PDS5B: variants seen among roughly 807,000 people sequenced by gnomAD.
The protein encoded by PDS5B is sister chromatid cohesion protein PDS5 homolog B.
PDS5B carries 51 observed loss-of-function variants against 184.1 expected under a neutral mutation model. The observed-to-expected ratio is 0.28, with a 90% confidence interval of 0.22 to 0.35. The LOEUF (loss-of-function observed/expected upper bound fraction) is 0.35. Among genes scored for constraint, PDS5B ranks in the 10% least tolerant of loss-of-function variants. The probability of loss-of-function intolerance (pLI) is 1.00; values close to 1 mark genes in which losing one functional copy is unlikely to be tolerated. For synonymous variants in PDS5B, 566 were observed against 569.2 expected, an observed-to-expected ratio of 0.99 and a Z score of 0.08; for missense variants, 1,180 against 1,723.3, an observed-to-expected ratio of 0.68 and a Z score of 5.58.
chr13:32,600,914 G>A (rs950140108), intron 1 of PDS5B, among the ~76,000 whole-genome samples: 3 of 152,130 alleles, frequency 2.0e-5, no homozygotes, highest in Non-Finnish European at 4.4e-5. Context: ...TATGAAGTTC[G>A]GGGATCAGCA....
chr13:32,760,525 T>G (rs777644481), intron 29 of PDS5B, 50 bp from the exon 30 acceptor site: 3 of 1,577,796 alleles, frequency 1.9e-6, no homozygotes, highest in South Asian at 1.2e-5. Flanking sequence ...TACACGTAAC[T>G]TTCTTTTGGC....
chr13:32,764,655 C>T (rs1954527179), intron 31 of PDS5B, 61 bp downstream of exon 31: 6 of 875,476 alleles, frequency 6.9e-6, no homozygotes, highest in Non-Finnish European at 8.6e-6. Flanking sequence ...GTAATGTTTA[C>T]ACTGAAACCA....
intron 16 of PDS5B, 55 bp downstream of exon 16, chr13:32,699,924 TTC>T (rs1951819567): frequency 2.7e-6 from 4 of 1,462,392 alleles, no homozygotes; most frequent in Non-Finnish European, 2.7e-6. Flanking sequence ...TCTTTATTGT[TTC>T]TCTCTTTTAT....
intron 6 of PDS5B, 35 bp from the exon 7 acceptor site, chr13:32,667,729 A>G (rs747143755): frequency 5.4e-6 from 7 of 1,290,874 alleles, no homozygotes; most frequent in Non-Finnish European, 7.6e-6. Flanking sequence ...TCATAGTTAG[A>G]GATATATAAT....
intron 1 of PDS5B, among the ~76,000 whole-genome samples, chr13:32,589,695 C>T (rs1447426857): frequency 1.3e-5 from 2 of 152,110 alleles, no homozygotes; most frequent in Non-Finnish European, 2.9e-5. Context: ...TTACAATAGG[C>T]GTTTTACTTG....
At chr13:32,648,645 A>G (rs1462671000) in intron 1 of PDS5B, 109 bp from the exon 2 acceptor site, 1 of 586,384 alleles carries the variant, frequency 1.7e-6, no homozygotes, top group Non-Finnish European at 3.0e-6. Flanking sequence ...ATTACTATAA[A>G]TTAGGAGGTA....
chr13:32,652,203 G>A (rs1489073625), intron 3 of PDS5B, 196 bp downstream of exon 3: 2 of 531,608 alleles, frequency 3.8e-6, no homozygotes, highest in African/African-American at 3.8e-5. Context: ...AGGTTAAGAA[G>A]TAGATTAATA....
intron 13 of PDS5B, chr13:32,691,195 G>A (rs1356183170): frequency 2.0e-5 from 3 of 151,724 alleles, no homozygotes; most frequent in Non-Finnish European, 4.4e-5. Flanking sequence ...ATATGTATGT[G>A]TATATATGTG....
intron 10 of PDS5B, among the ~76,000 whole-genome samples, chr13:32,683,356 T>C (rs916543231): frequency 4.0e-5 from 6 of 148,276 alleles, no homozygotes; most frequent in Non-Finnish European, 7.4e-5. Context: ...GCTCTGCCCT[T>C]GTTGCCCAGG....
At chr13:32,663,824 G>C (rs1950715058) in intron 6 of PDS5B, among the ~76,000 whole-genome samples, 1 of 152,304 alleles carries the variant, frequency 6.6e-6, no homozygotes, top group African/African-American at 2.4e-5. Context: ...CACCTGAGAA[G>C]TGTACATTGT....
At chr13:32,756,011 A>G (rs1954164343) in intron 26 of PDS5B, 55 bp downstream of exon 26, 1 of 818,648 alleles carries the variant, frequency 1.2e-6, no homozygotes, top group Non-Finnish European at 2.1e-6. Flanking sequence ...TTTTCTCCTT[A>G]ATGCTGATAA....
At chr13:32,640,948 T>G (rs1486400329) in intron 1 of PDS5B, among the ~76,000 whole-genome samples, 1 of 151,254 alleles carries the variant, frequency 6.6e-6, no homozygotes, top group Non-Finnish European at 1.5e-5. Context: ...TCCCAGCTAC[T>G]CGGGAGGCTG....
At chr13:32,731,660 A>T (rs950198768) in intron 19 of PDS5B, among the ~76,000 whole-genome samples, 1 of 152,158 alleles carries the variant, frequency 6.6e-6, no homozygotes, top group Non-Finnish European at 1.5e-5. Context: ...AGCATTGTTT[A>T]ATCAGATTTT....
intron 30 of PDS5B, among the ~76,000 whole-genome samples, chr13:32,761,372 G>A (rs1175100719): frequency 6.6e-6 from 1 of 151,800 alleles, no homozygotes; most frequent in African/African-American, 2.4e-5. Flanking sequence ...TTTTATTTTA[G>A]ATACAGAGGG....
intron 19 of PDS5B, among the ~76,000 whole-genome samples, chr13:32,721,490 C>T (rs548239204): frequency 9.1e-5 from 11 of 121,262 alleles, no homozygotes; most frequent in African/African-American, 2.9e-4. Flanking sequence ...CAGACGGGGT[C>T]GTGGCCGGGC....
chr13:32,698,835 C>T (rs1951783221), intron 15 of PDS5B, among the ~76,000 whole-genome samples: 1 of 151,714 alleles, frequency 6.6e-6, no homozygotes. Flanking sequence ...CTCACTGCAA[C>T]CTCCGCCTCC....
In PDS5B at chr13:32,753,330, A is replaced by G; in HGVS notation, c.2737-2A>G. 1 of 1,609,296 alleles carries G rather than the reference A, an allele frequency of 6.2e-7. No individual in the cohort carries two copies. The highest frequency in any genetic ancestry group is 8.5e-7 in the Non-Finnish European group (1 of 1,176,012). ...ATATCTGGAATAATTGTGTCTTTACAGGATGAATGCTATCAAGTAAGACAA... is the reference window on the plus strand; with the variant it reads ...ATATCTGGAATAATTGTGTCTTTACGGGATGAATGCTATCAAGTAAGACAA... On this transcript the variant is annotated splice_acceptor_variant, in intron 24 of 34. Coordinates refer to ENST00000315596, the MANE Select transcript of PDS5B (RefSeq NM_015032.4). LOFTEE classifies it high-confidence loss of function.
At chr13:32,738,283 C>CTTT (rs1039461536) in intron 21 of PDS5B, among the ~76,000 whole-genome samples, 1 of 152,154 alleles carries the variant, frequency 6.6e-6, no homozygotes, top group African/African-American at 2.4e-5. Flanking sequence ...TAACTTTTCA[C>CTTT]TTTTTTTAAG....
intron 19 of PDS5B, among the ~76,000 whole-genome samples, chr13:32,726,549 A>ATAC (rs1952907738): frequency 6.6e-6 from 1 of 152,220 alleles, no homozygotes; most frequent in South Asian, 2.1e-4. Flanking sequence ...CACTAGCAGT[A>ATAC]TGTAAGAGTG....
Sources: gnomAD v4.1 joint callset for allele counts (sites outside exome capture counted in the v4.1 genomes callset) on GRCh38, gnomAD v4.1.1 for gene constraint, MANE v1.5 for transcripts, NCBI Gene and HGNC (gene_info 2026-07-23, HGNC 2026-07-21) for gene names.